Variants in NTRK2 observed in about 807,000 individuals in gnomAD.
NTRK2 encodes BDNF/NT-3 growth factors receptor.
A neutral mutation model predicts 94.5 loss-of-function variants in NTRK2; 13 were observed. The ratio of observed to expected loss-of-function variants is 0.14; its 90% CI spans 0.09 to 0.22. NTRK2 has a LOEUF of 0.22. Among genes scored for constraint, NTRK2 ranks in the 10% least tolerant of loss-of-function variants. The pLI is 1.00. For synonymous variants in NTRK2, 372 were observed against 407.4 expected, an observed-to-expected ratio of 0.91 and a Z score of 1.05; for missense variants, 639 against 1,071.2, an observed-to-expected ratio of 0.60 and a Z score of 5.63.
In NTRK2 at chr9:84,679,815, A is replaced by T. The variant is rs140211598; in HGVS notation, c.212+8855A>T. ...TGACCAGTAGGTTTTCTTTAAGTCC[A>T]GCTCTGCCGTTGAGGCTGGATGGTT... On this transcript the variant is annotated intron_variant, in intron 2 of 18. Coordinates refer to ENST00000277120, the MANE Select transcript of NTRK2 (RefSeq NM_006180.6). Among the ~76,000 whole-genome samples the T allele has an allele frequency of 2.2e-4, 34 of 152,310 alleles. No individual in the cohort carries two copies. The East Asian group carries it at 6.0e-3, about 27-fold the overall frequency.
At chr9:84,744,872 G>A in intron 10 of NTRK2, 101 bp from the exon 11 acceptor site, 1 of 879,212 alleles carries the variant, frequency 1.1e-6, no homozygotes, top group Non-Finnish European at 2.0e-6. Flanking sequence ...GAATCTTTGT[G>A]ATTTGTCTTG....
chr9:84,694,431 C>T (rs2060236924), intron 2 of NTRK2, among the ~76,000 whole-genome samples: 2 of 152,202 alleles, frequency 1.3e-5, no homozygotes, highest in Admixed American at 1.3e-4. Flanking sequence ...GTAGTAAGCT[C>T]TTCAAATTTA....
intron 14 of NTRK2, chr9:84,875,804 A>G (rs1027646566): frequency 3.8e-6 from 4 of 1,048,118 alleles, no homozygotes; most frequent in African/African-American, 1.7e-5. Context: ...CTCTAGACCT[A>G]GACTGGGGTT....
chr9:85,012,021 C>T (rs1254532781), intron 17 of NTRK2, among the ~76,000 whole-genome samples: 1 of 73,366 alleles, frequency 1.4e-5, no homozygotes, highest in African/African-American at 4.6e-5. Flanking sequence ...TGGAGTCTCA[C>T]TCTGTCACCC....
chr9:84,926,187 TTTCTTTCTTTC>T (rs2077800349), intron 14 of NTRK2, among the ~76,000 whole-genome samples: 1 of 133,258 alleles, frequency 7.5e-6, no homozygotes, highest in African/African-American at 2.8e-5. Context: ...TCTTTCTTTC[TTTCTTTCTTTC>T]TTTCTTTCTT....
At chr9:84,694,297 C>T (rs977462319) in intron 2 of NTRK2, among the ~76,000 whole-genome samples, 26 of 152,166 alleles carry the variant, frequency 1.7e-4, no homozygotes, top group Non-Finnish European at 2.6e-4. Flanking sequence ...AGGAGACAGT[C>T]CCTGGGTAGC....
intron 12 of NTRK2, among the ~76,000 whole-genome samples, chr9:84,776,548 T>G (rs1478967895): frequency 1.3e-5 from 2 of 152,310 alleles, no homozygotes; most frequent in Admixed American, 1.3e-4. Flanking sequence ...TATTAAAAAC[T>G]ATGAAATGTC....
rs986767519 is a variant in NTRK2 at position 85,004,193 on chromosome 9, C to T, written c.2173-16013C>T. The stretch of plus-strand genomic sequence containing the variant: ...GGGATGAAATCTGAGGACATTTAGT[C>T]CTTGGGCCAGCAGAGGACAGACCAT... On this transcript the variant is annotated intron_variant, in intron 17 of 18. Coordinates refer to ENST00000277120, the MANE Select transcript of NTRK2 (RefSeq NM_006180.6). Among the ~76,000 whole-genome samples the T allele has an allele frequency of 3.3e-5, 5 of 151,496 alleles. 1 individual carries two copies. Among genetic ancestry groups the T allele is most frequent in the Middle Eastern group, 6.8e-3 (2 of 294 alleles).
chr9:84,725,045 G>A (rs1316874178), intron 8 of NTRK2, among the ~76,000 whole-genome samples: 1 of 152,136 alleles, frequency 6.6e-6, no homozygotes, highest in Non-Finnish European at 1.5e-5. Context: ...TGTATATTCA[G>A]TAAAAACTAT....
At chr9:85,016,155 G>A (rs939472106) in intron 17 of NTRK2, among the ~76,000 whole-genome samples, 1 of 152,124 alleles carries the variant, frequency 6.6e-6, no homozygotes, top group Admixed American at 6.6e-5. Context: ...CCGGAACCAC[G>A]GCGTTTTTGT....
chr9:84,681,025 A>C (rs2059358759), intron 2 of NTRK2, among the ~76,000 whole-genome samples: 1 of 152,202 alleles, frequency 6.6e-6, no homozygotes, highest in East Asian at 1.9e-4. Context: ...ACAGACCTTA[A>C]AAGTTTATGT....
chr9:84,686,077 G>A (rs1025109608), intron 2 of NTRK2, among the ~76,000 whole-genome samples: 1 of 152,162 alleles, frequency 6.6e-6, no homozygotes, highest in Non-Finnish European at 1.5e-5. Context: ...CTAAATAAGA[G>A]TATTAGTTGG....
intron 11 of NTRK2, among the ~76,000 whole-genome samples, chr9:84,747,472 G>GT (rs2064183971): frequency 6.8e-6 from 1 of 147,094 alleles, no homozygotes; most frequent in Non-Finnish European, 1.5e-5. Flanking sequence ...TAGTTTTCTG[G>GT]GTTTTTTTTT....
At chr9:84,873,333 A>G (rs554250249) in intron 14 of NTRK2, 1 of 1,058,810 alleles carries the variant, frequency 9.4e-7, no homozygotes, top group Non-Finnish European at 1.1e-6. Context: ...AGCTAAGTCC[A>G]TTCTGCCCAG....
chr9:84,983,454 A>G (rs986393312), intron 17 of NTRK2, among the ~76,000 whole-genome samples: 1 of 152,224 alleles, frequency 6.6e-6, no homozygotes, highest in African/African-American at 2.4e-5. Context: ...TTGTCTGACT[A>G]TAAACAACTG....
At chr9:84,905,309 T>A (rs2077040559) in intron 14 of NTRK2, among the ~76,000 whole-genome samples, 1 of 150,308 alleles carries the variant, frequency 6.7e-6, no homozygotes, top group African/African-American at 2.5e-5. Flanking sequence ...TGTGTGTGAC[T>A]GACAGAAACC....
At chr9:84,878,724 A>C (rs1343839834) in intron 14 of NTRK2, among the ~76,000 whole-genome samples, 1 of 151,982 alleles carries the variant, frequency 6.6e-6, no homozygotes, top group Non-Finnish European at 1.5e-5. Flanking sequence ...AATATAATTT[A>C]TCTCAATAAC....
chr9:84,981,293 G>A (rs774301761), intron 17 of NTRK2, among the ~76,000 whole-genome samples: 1 of 151,836 alleles, frequency 6.6e-6, no homozygotes, highest in Non-Finnish European at 1.5e-5. Flanking sequence ...GTAGAGAGTG[G>A]TTTTTGCCAT....
chr9:84,749,058 G>A (rs60812134), intron 11 of NTRK2, among the ~76,000 whole-genome samples: 7 of 152,134 alleles, frequency 4.6e-5, no homozygotes, highest in African/African-American at 7.2e-5. Flanking sequence ...GAGAAACCCC[G>A]TCTCTACTAA....
Sources: allele counts gnomAD v4.1 joint callset (sites outside exome capture counted in the v4.1 genomes callset), GRCh38; gene constraint gnomAD v4.1.1; transcripts MANE v1.5; gene names NCBI Gene and HGNC (gene_info 2026-07-23, HGNC 2026-07-21).